Variants in SLAIN1 observed in about 807,000 individuals in gnomAD.
SLAIN1 encodes the protein SLAIN motif-containing protein 1.
In SLAIN1, 17 loss-of-function variants were observed where a neutral mutation model predicts 55.4. The ratio of observed to expected loss-of-function variants is 0.31; its 90% confidence interval spans 0.21 to 0.46. SLAIN1 has a LOEUF of 0.46. Ranked by LOEUF, SLAIN1 falls within the 20% of genes least tolerant of loss-of-function variation. SLAIN1 has a pLI of 1.00. For synonymous variants in SLAIN1, 348 were observed against 337.4 expected, an observed-to-expected ratio of 1.03 and a Z score of -0.35; for missense variants, 682 against 785.1, an observed-to-expected ratio of 0.87 and a Z score of 1.57.
intron 2 of SLAIN1, among the ~76,000 whole-genome samples, chr13:77,722,083 C>T (rs2091267897): frequency 6.6e-6 from 1 of 151,226 alleles, no homozygotes; most frequent in African/African-American, 2.4e-5. Flanking sequence ...ATTTTCCTTT[C>T]ATTGATGTGG....
chr13:77,701,929 C>T lies in SLAIN1; in HGVS notation c.626+3390C>T, dbSNP rs990146952. 7.6e-4 allele frequency among the ~76,000 whole-genome samples: 99 copies of T among 130,772 alleles called. 1 individual carries two copies. Among genetic ancestry groups the T allele is most frequent in the Non-Finnish European group, 1.3e-3 (79 of 62,542 alleles). The allele number at this position is 130,772 out of a possible 152,430, so 85.8% of individuals were successfully genotyped here. On this transcript the variant is annotated intron_variant, in intron 1 of 6. Coordinates refer to ENST00000418532, the MANE Select transcript of SLAIN1 (RefSeq NM_001242868.2). ...CTATCCCTCCCCCCTCCCCCCACCC[C>T]ACTACAGTCCCCAGAATGTGATATT... is the stretch of plus-strand genomic sequence containing the variant.
At chr13:77,721,964 T>A (rs1027338432) in intron 2 of SLAIN1, among the ~76,000 whole-genome samples, 1 of 147,410 alleles carries the variant, frequency 6.8e-6, no homozygotes, top group Non-Finnish European at 1.5e-5. Flanking sequence ...TTATGTCATT[T>A]GCACACTAGA....
intron 1 of SLAIN1, among the ~76,000 whole-genome samples, chr13:77,714,729 A>T (rs2091189248): frequency 6.6e-6 from 1 of 152,200 alleles, no homozygotes; most frequent in South Asian, 2.1e-4. Flanking sequence ...GTACAATTTG[A>T]TAGACTTTAA....
chr13:77,698,554 C>T lies in SLAIN1; in HGVS notation c.626+15C>T, dbSNP rs2090997466. ...GACTACACCTGGTACTGCCTGGCTC[C>T]GCTCCTTCCCCGAGACCCTGGCCTC... On this transcript the variant is annotated intron_variant, in intron 1 of 6. Transcript: ENST00000418532. This position sits in a 1 kb window ranked among gnomAD's most constrained non-coding sequence, Gnocchi z 4.1. 7.1e-7 allele frequency: 1 copy of T among 1,408,988 alleles called. No individual in the cohort carries two copies. Among genetic ancestry groups the T allele is most frequent in the Non-Finnish European group, 9.2e-7 (1 of 1,091,154 alleles). The allele number at this position is 1,408,988 out of a possible 1,614,324, so 87.3% of individuals were successfully genotyped here.
intron 1 of SLAIN1, among the ~76,000 whole-genome samples, chr13:77,710,457 A>G (rs2091136751): frequency 6.6e-6 from 1 of 152,234 alleles, no homozygotes; most frequent in African/African-American, 2.4e-5. Flanking sequence ...CTCTGATAAA[A>G]CAGACTTTAA....
chr13:77,702,961 A>C (rs1216259441), intron 1 of SLAIN1, among the ~76,000 whole-genome samples: 1 of 152,168 alleles, frequency 6.6e-6, no homozygotes, highest in Non-Finnish European at 1.5e-5. Context: ...AGCAAAACGG[A>C]GAAAGCAGGT....
chr13:77,762,447 CTT>C (rs2154411162), intron 6 of SLAIN1, among the ~76,000 whole-genome samples: 1 of 152,122 alleles, frequency 6.6e-6, no homozygotes, highest in South Asian at 2.1e-4. Flanking sequence ...GGGTCTTGCT[CTT>C]TTGCCCAGGC....
intron 4 of SLAIN1, among the ~76,000 whole-genome samples, chr13:77,752,957 G>A (rs1007540881): frequency 6.6e-6 from 1 of 152,146 alleles, no homozygotes; most frequent in African/African-American, 2.4e-5. Context: ...CAGGAGCAAT[G>A]CTTTACATCC....
chr13:77,723,371 A>T (rs1441777238), intron 2 of SLAIN1, among the ~76,000 whole-genome samples: 1 of 152,188 alleles, frequency 6.6e-6, no homozygotes, highest in African/African-American at 2.4e-5. Context: ...AGATACAAGT[A>T]CTTTCCTTTC....
intron 2 of SLAIN1, among the ~76,000 whole-genome samples, chr13:77,736,039 AATG>A (rs1873100743): frequency 6.6e-6 from 1 of 152,062 alleles, no homozygotes; most frequent in South Asian, 2.1e-4. Flanking sequence ...CCCTTTACAG[AATG>A]ATAAGGCAGG....
chr13:77,711,197 A>C (rs1291827500), intron 1 of SLAIN1, among the ~76,000 whole-genome samples: 1 of 152,190 alleles, frequency 6.6e-6, no homozygotes, highest in African/African-American at 2.4e-5. Context: ...AAACAAATTC[A>C]AAAGCTAGCA....
At chr13:77,731,117 A>G (rs1872840524) in intron 2 of SLAIN1, among the ~76,000 whole-genome samples, 1 of 152,158 alleles carries the variant, frequency 6.6e-6, no homozygotes, top group Non-Finnish European at 1.5e-5. Context: ...AAATAATAGA[A>G]GAAAATTTCT....
chr13:77,756,856 TG>T (rs1264282512), intron 5 of SLAIN1, among the ~76,000 whole-genome samples: 1 of 152,054 alleles, frequency 6.6e-6, no homozygotes, highest in Non-Finnish European at 1.5e-5. Flanking sequence ...GTGATAAAAG[TG>T]GGAATAACAC....
intron 2 of SLAIN1, among the ~76,000 whole-genome samples, chr13:77,728,665 A>C (rs886137539): frequency 6.6e-6 from 1 of 152,190 alleles, no homozygotes; most frequent in Non-Finnish European, 1.5e-5. Context: ...TTAATGTCCA[A>C]ATTTAGCTGA....
intron 4 of SLAIN1, among the ~76,000 whole-genome samples, chr13:77,751,305 ATATT>A (rs978594992): frequency 4.0e-4 from 61 of 152,270 alleles, no homozygotes; most frequent in African/African-American, 1.4e-3. Context: ...TTAATCTTTA[ATATT>A]TATTTTATTT....
chr13:77,718,088 A>C (rs1039526920), intron 1 of SLAIN1, among the ~76,000 whole-genome samples: 1 of 151,816 alleles, frequency 6.6e-6, no homozygotes, highest in Non-Finnish European at 1.5e-5. Flanking sequence ...ACTGTGCAAC[A>C]CACTCTAAGG....
At position 77,729,151 on chromosome 13, in the gene SLAIN1, T is replaced by C. The variant is rs1289119173; in HGVS notation, c.766+9480T>C. 5.9e-5 allele frequency among the ~76,000 whole-genome samples: 9 copies of C among 152,196 alleles called. No individual in the cohort carries two copies. The East Asian group carries it at 1.7e-3, about 29-fold the overall frequency. On this transcript the variant is annotated intron_variant, in intron 2 of 6. Coordinates refer to ENST00000418532, the MANE Select transcript of SLAIN1 (RefSeq NM_001242868.2). Reference sequence around the variant, plus strand: ...AATGATTTAGTACAGTAACAGATAATAAGGGATTGTGCTTCTATGAAATTT... The same window carrying C: ...AATGATTTAGTACAGTAACAGATAACAAGGGATTGTGCTTCTATGAAATTT...
intron 2 of SLAIN1, among the ~76,000 whole-genome samples, chr13:77,729,954 G>A (rs148966737): frequency 6.4e-4 from 97 of 152,186 alleles, no homozygotes; most frequent in African/African-American, 2.2e-3. Flanking sequence ...TCCAACGGGA[G>A]GAGGAGGTGA....
In SLAIN1 at chr13:77,718,478, A is replaced by T. The variant is rs189705608; in HGVS notation, c.627-1054A>T. 1.1e-4 allele frequency among the ~76,000 whole-genome samples: 16 copies of T among 152,252 alleles called. No individual in the cohort carries two copies. In the East Asian group the frequency reaches 3.1e-3, roughly 29 times the overall value. On this transcript the variant is annotated intron_variant, in intron 1 of 6. Coordinates refer to ENST00000418532, the MANE Select transcript of SLAIN1 (RefSeq NM_001242868.2). The stretch of plus-strand genomic sequence containing the variant: ...TACAGAAAACATTTGGCAATCCCTG[A>T]TCTGTAAGAATAATTTACTGAAGAA...
Sources: allele counts gnomAD v4.1 joint callset (sites outside exome capture counted in the v4.1 genomes callset), GRCh38; gene constraint gnomAD v4.1.1; non-coding constraint Gnocchi (gnomAD v3.1); transcripts MANE v1.5; gene names NCBI Gene and HGNC (gene_info 2026-07-23, HGNC 2026-07-21).